Variants in INPP5A observed in about 807,000 individuals in gnomAD.
The protein encoded by INPP5A is 43 kDa inositol polyphosphate 5-phophatase.
In INPP5A, 14 loss-of-function variants were observed where a neutral mutation model predicts 65.2. That is an observed-to-expected ratio of 0.21 (90% CI 0.14 to 0.34). The LOEUF (loss-of-function observed/expected upper bound fraction) is 0.34, where lower values mean the gene tolerates loss of function less well. Among genes scored for constraint, INPP5A ranks in the 10% least tolerant of loss-of-function variants. The probability of loss-of-function intolerance (pLI) is 1.00; values close to 1 mark genes in which losing one functional copy is unlikely to be tolerated. For missense variants in INPP5A, 431 were observed against 545.6 expected (o/e 0.79, Z 2.09); for synonymous variants, 207 against 208.3 (o/e 0.99, Z 0.05).
rs2070961387 is a variant in INPP5A at position 132,545,755 on chromosome 10, A to G, written c.75+7584A>G. 1.3e-5 allele frequency among the ~76,000 whole-genome samples: 2 copies of G among 152,212 alleles called. No individual in the cohort carries two copies. The highest frequency in any genetic ancestry group is 4.1e-4 in the South Asian group (2 of 4,832). On this transcript the variant is annotated intron_variant, in intron 1 of 15. Coordinates refer to ENST00000368594, the MANE Select transcript of INPP5A (RefSeq NM_005539.5). This position sits in a 1 kb window ranked among gnomAD's most constrained non-coding sequence, Gnocchi z 4.6. ...TGAGCTCAGAGGCTCTGGAGCCCCA[A>G]GTCGCACCCCACCAGGTCTGGTTGG...
rs55679916 is a variant in INPP5A at position 132,766,367 on chromosome 10, C to T, written c.977+521C>T. ...ATCAGACTTGCTCACGAGGGACCTA[C>T]GGGGACTGTGTGTTATGGATCTTTC... is the stretch of plus-strand genomic sequence containing the variant. On this transcript the variant is annotated intron_variant, in intron 12 of 15. Transcript: ENST00000368594. Among the ~76,000 whole-genome samples, 1,009 of 152,314 alleles carry T rather than the reference C, an allele frequency of 6.6e-3. 8 individuals are homozygous for T. The highest frequency in any genetic ancestry group is 0.012 in the Non-Finnish European group (828 of 68,022).
At chr10:132,719,130 C>A (rs533151708) in intron 8 of INPP5A, among the ~76,000 whole-genome samples, 1 of 148,012 alleles carries the variant, frequency 6.8e-6, no homozygotes, top group Non-Finnish European at 1.5e-5. Context: ...CTTCAGGGTT[C>A]TGTGGTACCT....
intron 2 of INPP5A, among the ~76,000 whole-genome samples, chr10:132,643,694 C>T (rs1329127547): frequency 2.0e-5 from 3 of 152,154 alleles, no homozygotes; most frequent in African/African-American, 7.2e-5. Flanking sequence ...GTTACTAATT[C>T]TGCTGGTGCA....
intron 8 of INPP5A, among the ~76,000 whole-genome samples, chr10:132,719,063 G>A (rs1371269547): frequency 2.8e-5 from 4 of 144,244 alleles, no homozygotes; most frequent in African/African-American, 1.0e-4. Context: ...CGCCTTAGAC[G>A]GCTGTCTCGC....
At chr10:132,768,408 G>C (rs905486597) in intron 12 of INPP5A, among the ~76,000 whole-genome samples, 16 of 152,136 alleles carry the variant, frequency 1.1e-4, no homozygotes, top group Non-Finnish European at 2.9e-5. Flanking sequence ...AAAGATCCAT[G>C]GACCCCGACC....
Position 132,698,819 on chromosome 10 carries a change from C to T in INPP5A, c.474+900C>T, listed in dbSNP as rs1845387950. ...GGATTGCTCTGCGGTCCTGTCTCCA[C>T]GAGAGCTGTGCAGGCTGAGGCTGCT... On this transcript the variant is annotated intron_variant, in intron 6 of 15. Transcript: ENST00000368594. The surrounding 1 kb of genome is among the most constrained non-coding windows in gnomAD (Gnocchi z 5.5). Among the ~76,000 whole-genome samples the T allele has an allele frequency of 6.6e-6, 1 of 152,250 alleles. No individual in the cohort carries two copies. The highest frequency in any genetic ancestry group is 1.5e-5 in the Non-Finnish European group (1 of 68,056).
At chr10:132,581,513 G>A (rs144767936) in intron 1 of INPP5A, among the ~76,000 whole-genome samples, 164 of 152,278 alleles carry the variant, frequency 1.1e-3, no homozygotes, top group African/African-American at 3.4e-3. Context: ...CTGACAGTGC[G>A]TGGAGGCCTT....
intron 11 of INPP5A, among the ~76,000 whole-genome samples, chr10:132,764,188 G>T (rs940096281): frequency 6.6e-6 from 1 of 152,288 alleles, no homozygotes; most frequent in Non-Finnish European, 1.5e-5. Context: ...ATGACTGTGT[G>T]CATGAGGCTG....
At position 132,538,159 on chromosome 10, in the gene INPP5A, G is replaced by T; in HGVS notation, c.63G>T (p.Ser21=). 7.8e-7 allele frequency: 1 copy of T among 1,279,720 alleles called. No homozygotes were observed. 79.3% of individuals were successfully genotyped at this position (1,279,720 alleles called of 1,614,324 possible). A position where few individuals can be genotyped will look rare whatever the true frequency, so the allele number is the denominator to read the frequency against. ...AVLLVTANVG[S]LFDDPENLQK... is the part of the protein sequence containing the mutation. The stretch of plus-strand genomic sequence containing the variant: ...TGCTGGTCACGGCCAACGTGGGCTC[G>T]CTCTTCGACGACGTAAGTCCCCCGT... The change falls in exon 1 of 16, where the codon TCG becomes TCT. Residue 21 remains serine (S), a synonymous_variant. Transcript: ENST00000368594. The surrounding 1 kb of genome is among the most constrained non-coding windows in gnomAD (Gnocchi z 4.1).
intron 2 of INPP5A, among the ~76,000 whole-genome samples, chr10:132,611,918 A>AG (rs2071961262): frequency 8.3e-6 from 1 of 120,876 alleles, no homozygotes. Flanking sequence ...GTGGGAGGTG[A>AG]GGGGGGCAGG....
chr10:132,565,505 C>T (rs934312743), intron 1 of INPP5A, among the ~76,000 whole-genome samples: 1 of 152,128 alleles, frequency 6.6e-6, no homozygotes, highest in African/African-American at 2.4e-5. Context: ...ACCTTTTGGC[C>T]CAGATGTCTA....
intron 1 of INPP5A, among the ~76,000 whole-genome samples, chr10:132,576,137 C>T (rs1301472999): frequency 1.3e-5 from 2 of 152,308 alleles, no homozygotes; most frequent in African/African-American, 4.8e-5. Flanking sequence ...CCTGGGCCCT[C>T]CCTGTGCAGG....
chr10:132,677,955 T>G (rs2072989330), intron 4 of INPP5A, among the ~76,000 whole-genome samples: 1 of 152,232 alleles, frequency 6.6e-6, no homozygotes, highest in African/African-American at 2.4e-5. Flanking sequence ...GGACAACCAA[T>G]TTAATTAACC....
In INPP5A at chr10:132,708,382, C is replaced by A. The variant is rs372787901; in HGVS notation, c.527+17C>A. On this transcript the variant is annotated intron_variant, in intron 7 of 15. Coordinates refer to ENST00000368594, the MANE Select transcript of INPP5A (RefSeq NM_005539.5). ...TGCAGACTGGTACGTGGTGTCTGTG[C>A]TTTGTCAATTTCCATAACGTTTCTT... The A allele has an allele frequency of 6.2e-7, 1 of 1,611,706 alleles. No homozygotes were observed. The highest frequency in any genetic ancestry group is 1.7e-5 in the Admixed American group (1 of 60,016).
At chr10:132,586,686 G>T (rs2071549572) in intron 1 of INPP5A, among the ~76,000 whole-genome samples, 2 of 152,250 alleles carry the variant, frequency 1.3e-5, no homozygotes, top group South Asian at 4.1e-4. Context: ...CGTGGTGATG[G>T]CGCTGCTGGT....
chr10:132,571,030 G>T (rs189397470), intron 1 of INPP5A, among the ~76,000 whole-genome samples: 2 of 152,118 alleles, frequency 1.3e-5, no homozygotes, highest in Admixed American at 1.3e-4. Context: ...GGTTCGGGGC[G>T]TTGGAACATT....
Position 132,684,561 on chromosome 10 carries a change from T to C in INPP5A, c.307-5831T>C, listed in dbSNP as rs2073091687. 3.3e-5 allele frequency among the ~76,000 whole-genome samples: 5 copies of C among 152,334 alleles called. No homozygotes were observed. In the South Asian group the frequency reaches 1.0e-3, roughly 32 times the overall value. On this transcript the variant is annotated intron_variant, in intron 4 of 15. Coordinates refer to ENST00000368594, the MANE Select transcript of INPP5A (RefSeq NM_005539.5). ...GGGGTTGTAAGTTCACAGGATGTGG[T>C]GTGTCCCTGTGGCTCATGTCTTCAG...
intron 2 of INPP5A, among the ~76,000 whole-genome samples, chr10:132,620,142 C>T (rs979323167): frequency 3.3e-5 from 5 of 152,220 alleles, no homozygotes; most frequent in Non-Finnish European, 7.3e-5. Context: ...ATTCTTTCCT[C>T]CTAGGCCTCA....
At chr10:132,770,793 G>A (rs149460394) in intron 12 of INPP5A, among the ~76,000 whole-genome samples, 13 of 152,372 alleles carry the variant, frequency 8.5e-5, no homozygotes, top group East Asian at 3.9e-4. Context: ...TCTGGGAGCC[G>A]CACACACAGG....
Sources: allele counts gnomAD v4.1 joint callset (sites outside exome capture counted in the v4.1 genomes callset), GRCh38; gene constraint gnomAD v4.1.1; non-coding constraint Gnocchi (gnomAD v3.1); transcripts MANE v1.5; gene names NCBI Gene and HGNC (gene_info 2026-07-23, HGNC 2026-07-21).